The following IQCJ variants were observed in gnomAD, a reference collection of about 807,000 sequenced individuals.
IQCJ encodes IQ domain-containing protein J.
A neutral mutation model predicts 11.0 loss-of-function variants in IQCJ; 9 were observed. The observed-to-expected ratio is 0.82, with a 90% CI of 0.49 to 1.43. The LOEUF is 1.43. Ranked by LOEUF, IQCJ falls within the 40% of genes most tolerant of loss-of-function variation. The probability of loss-of-function intolerance (pLI) is 0.00; values close to 1 mark genes in which losing one functional copy is unlikely to be tolerated. For synonymous variants in IQCJ, 55 were observed against 51.3 expected, an observed-to-expected ratio of 1.07 and a Z score of -0.31; for missense variants, 146 against 133.2, an observed-to-expected ratio of 1.10 and a Z score of -0.47.
intron 1 of IQCJ, among the ~76,000 whole-genome samples, chr3:159,120,153 G>A (rs978778103): frequency 6.6e-6 from 1 of 152,110 alleles, no homozygotes; most frequent in Non-Finnish European, 1.5e-5. Context: ...GTACCCCAGG[G>A]GATCATCATG....
At chr3:159,264,225 T>A (rs952077572), downstream of IQCJ, among the ~76,000 whole-genome samples, 1 of 152,350 alleles carries the variant, frequency 6.6e-6, no homozygotes, top group East Asian at 1.9e-4. Flanking sequence ...GTTTTAGTGT[T>A]GCTTTAGGGT....
intron 1 of IQCJ, among the ~76,000 whole-genome samples, chr3:159,118,180 T>A (rs747898309): frequency 2.6e-5 from 4 of 152,160 alleles, no homozygotes; most frequent in Non-Finnish European, 5.9e-5. Context: ...ACTCAAATGA[T>A]GTAGGTGTTA....
At position 159,195,102 on chromosome 3, in the gene IQCJ, C is replaced by T. The variant is rs558834168; in HGVS notation, c.10-50741C>T. On this transcript the variant is annotated intron_variant, in intron 1 of 3. Transcript: ENST00000397832. ...CTCTAGCCTGGGTGACAGAGCAAGA[C>T]TCTGTCTCAAAAAAAAAAAAATCTG... Among the ~76,000 whole-genome samples, 8 of 113,086 alleles carry T rather than the reference C, an allele frequency of 7.1e-5. No individual in the cohort carries two copies. In the East Asian group the frequency reaches 1.0e-3, roughly 14 times the overall value. The allele number at this position is 113,086 out of a possible 152,430, so 74.2% of individuals were successfully genotyped here.
chr3:159,112,786 T>A (rs1349005168), intron 1 of IQCJ, among the ~76,000 whole-genome samples: 1 of 152,150 alleles, frequency 6.6e-6, no homozygotes, highest in East Asian at 1.9e-4. Context: ...GTTTGAACAA[T>A]TTTAATGTAG....
intron 3 of IQCJ, among the ~76,000 whole-genome samples, chr3:159,258,405 C>G (rs1258412611): frequency 6.6e-6 from 1 of 152,192 alleles, no homozygotes; most frequent in Non-Finnish European, 1.5e-5. Flanking sequence ...AGGGTAGGAT[C>G]TGTTTCATCC....
At chr3:159,251,539 TA>T (rs901378327) in intron 2 of IQCJ, among the ~76,000 whole-genome samples, 3 of 151,932 alleles carry the variant, frequency 2.0e-5, no homozygotes, top group African/African-American at 4.8e-5. Flanking sequence ...ACTGACCTTT[TA>T]AAAAAAGTTT....
At chr3:159,092,796 AT>A (rs11345482) in intron 1 of IQCJ, among the ~76,000 whole-genome samples, 52,172 of 146,962 alleles carry the variant, frequency 0.36, 10,416 homozygotes, top group Non-Finnish European at 0.47. Context: ...TGAATTAACT[AT>A]TTTTTTTTTT....
intron 1 of IQCJ, among the ~76,000 whole-genome samples, chr3:159,216,680 C>A (rs1725252815): frequency 6.6e-6 from 1 of 151,572 alleles, no homozygotes; most frequent in Admixed American, 6.6e-5. Context: ...TCTTGACTGA[C>A]TGACATACAT....
chr3:159,193,833 G>A (rs917795921), intron 1 of IQCJ, among the ~76,000 whole-genome samples: 1 of 152,098 alleles, frequency 6.6e-6, no homozygotes, highest in African/African-American at 2.4e-5. Flanking sequence ...ATAAGACTTA[G>A]TACAAGGGAC....
chr3:159,092,699 AACACACACACAC>A (rs57083405), intron 1 of IQCJ, among the ~76,000 whole-genome samples: 15 of 141,596 alleles, frequency 1.1e-4, no homozygotes, highest in South Asian at 2.3e-4. Context: ...CTCCATCACA[AACACACACACAC>A]ACACACACAC....
intron 1 of IQCJ, among the ~76,000 whole-genome samples, chr3:159,083,143 T>C (rs1716446128): frequency 6.6e-6 from 1 of 152,112 alleles, no homozygotes; most frequent in African/African-American, 2.4e-5. Flanking sequence ...TTTTGTTCTG[T>C]GAAAGACCTT....
At chr3:159,095,402 T>G (rs1717663882) in intron 1 of IQCJ, among the ~76,000 whole-genome samples, 1 of 149,736 alleles carries the variant, frequency 6.7e-6, no homozygotes, top group Non-Finnish European at 1.5e-5. Flanking sequence ...TTAGGGTACA[T>G]GTGCACATTG....
chr3:159,180,262 C>T lies in IQCJ; in HGVS notation c.10-65581C>T, dbSNP rs547267700. On this transcript the variant is annotated intron_variant, in intron 1 of 3. Coordinates refer to ENST00000397832, the MANE Select transcript of IQCJ (RefSeq NM_001042706.3). ...TTTTATTTGAAATCATTTCTTGACT[C>T]ATGGGTCAAAACTCAGGACATTTCT... Among the ~76,000 whole-genome samples the T allele has an allele frequency of 1.0e-3, 154 of 152,284 alleles. 1 individual carries two copies. Among genetic ancestry groups the T allele is most frequent in the Non-Finnish European group, 1.8e-3 (124 of 68,032 alleles).
intron 1 of IQCJ, among the ~76,000 whole-genome samples, chr3:159,180,184 T>C (rs934695819): frequency 6.6e-6 from 1 of 152,174 alleles, no homozygotes; most frequent in Admixed American, 6.5e-5. Context: ...AAATGGAACA[T>C]TGATTCTGCA....
intron 1 of IQCJ, among the ~76,000 whole-genome samples, chr3:159,197,173 C>G (rs1266564985): frequency 6.6e-6 from 1 of 152,180 alleles, no homozygotes; most frequent in Admixed American, 6.5e-5. Flanking sequence ...CAAGGCTTTT[C>G]TGAATGAGCA....
intron 1 of IQCJ, among the ~76,000 whole-genome samples, chr3:159,197,963 AT>A (rs1724088686): frequency 6.6e-6 from 1 of 152,108 alleles, no homozygotes; most frequent in African/African-American, 2.4e-5. Context: ...CCATGGGCTG[AT>A]GTGTTCTGTG....
chr3:159,204,101 C>G (rs1724512737), intron 1 of IQCJ, among the ~76,000 whole-genome samples: 1 of 152,148 alleles, frequency 6.6e-6, no homozygotes, highest in South Asian at 2.1e-4. Context: ...AGGCTGGACT[C>G]CATTTATGAG....
intron 2 of IQCJ, among the ~76,000 whole-genome samples, chr3:159,252,461 C>T (rs985713788): frequency 2.6e-5 from 4 of 152,064 alleles, no homozygotes; most frequent in Admixed American, 1.3e-4. Flanking sequence ...CTTTTCTTTT[C>T]TCTTAAAGGA....
At chr3:159,228,629 A>T (rs1726003049) in intron 1 of IQCJ, among the ~76,000 whole-genome samples, 1 of 152,132 alleles carries the variant, frequency 6.6e-6, no homozygotes, top group African/African-American at 2.4e-5. Context: ...GTCTCTACTA[A>T]AAATACAAAA....
Sources: gnomAD v4.1 joint callset for allele counts (sites outside exome capture counted in the v4.1 genomes callset) on GRCh38, gnomAD v4.1.1 for gene constraint, MANE v1.5 for transcripts, NCBI Gene and HGNC (gene_info 2026-07-23, HGNC 2026-07-21) for gene names.